The following DNAH12 variants were observed in gnomAD, a reference collection of about 807,000 sequenced individuals.
The protein encoded by DNAH12 is dynein axonemal heavy chain 12.
Under a neutral mutation model 371.5 loss-of-function variants are expected in DNAH12, and 285 were observed. The ratio of observed to expected loss-of-function variants is 0.77; its 90% CI spans 0.70 to 0.85. The LOEUF is 0.85. DNAH12 is among the 40% of genes least tolerant of loss of function. The pLI is 0.00. For synonymous variants in DNAH12, 1,200 were observed against 1,213.0 expected, an observed-to-expected ratio of 0.99 and a Z score of 0.22; for missense variants, 3,611 against 3,689.4, an observed-to-expected ratio of 0.98 and a Z score of 0.55.
At chr3:57,427,718 A>G (rs1373578942) in intron 34 of DNAH12, among the ~76,000 whole-genome samples, 1 of 151,324 alleles carries the variant, frequency 6.6e-6, no homozygotes, top group Non-Finnish European at 1.5e-5. Flanking sequence ...AATAAAATAA[A>G]AAGAAGGCCA....
intron 58 of DNAH12, among the ~76,000 whole-genome samples, chr3:57,362,030 C>G (rs1382524400): frequency 6.6e-6 from 1 of 150,644 alleles, no homozygotes; most frequent in Admixed American, 6.6e-5. Flanking sequence ...CACCCCATGA[C>G]AGCTCCCAGT....
At chr3:57,302,535 A>T (rs1310860356) in intron 69 of DNAH12, among the ~76,000 whole-genome samples, 10 of 38,834 alleles carry the variant, frequency 2.6e-4, no homozygotes, top group Non-Finnish European at 3.9e-4. Flanking sequence ...AGGTGTATAT[A>T]TATATATATA....
intron 66 of DNAH12, among the ~76,000 whole-genome samples, chr3:57,312,239 G>A (rs950598431): frequency 1.3e-5 from 2 of 152,164 alleles, no homozygotes; most frequent in African/African-American, 4.8e-5. Context: ...TATGAAAGGG[G>A]ACTGAGAAAG....
chr3:57,389,381 C>CA lies in DNAH12; in HGVS notation c.7306-2163dup, dbSNP rs1159244837. 1.6e-4 allele frequency among the ~76,000 whole-genome samples: 25 copies of CA among 151,808 alleles called. No individual in the cohort carries two copies. The East Asian group carries it at 2.3e-3, about 14-fold the overall frequency. ...CAGAAAACCAGTCTTACTGTATCTT[C>CA]AAAAAAAAGAAGATGCATATTCTTA... is the stretch of plus-strand genomic sequence containing the variant. On this transcript the variant is annotated intron_variant, in intron 45 of 73. Transcript: ENST00000495027.
At chr3:57,403,211 C>T in intron 43 of DNAH12, 98 bp downstream of exon 43, 1 of 1,191,500 alleles carries the variant, frequency 8.4e-7, no homozygotes, top group East Asian at 2.6e-5. Flanking sequence ...ATCATCATCA[C>T]TGGAGTTCAG....
At chr3:57,543,568 G>A (rs1203399093) in intron 1 of DNAH12, among the ~76,000 whole-genome samples, 2 of 149,518 alleles carry the variant, frequency 1.3e-5, no homozygotes, top group Admixed American at 1.3e-4. Context: ...ATGATTTCCC[G>A]CCTCGGTCCC....
intron 46 of DNAH12, among the ~76,000 whole-genome samples, chr3:57,386,865 G>A (rs2063508472): frequency 6.6e-6 from 1 of 152,106 alleles, no homozygotes; most frequent in Admixed American, 6.6e-5. Flanking sequence ...CAACAAATAT[G>A]TCTAATAAAA....
chr3:57,499,673 T>TACATAC (rs1553711698), intron 11 of DNAH12, among the ~76,000 whole-genome samples: 2 of 44,462 alleles, frequency 4.5e-5, no homozygotes, highest in African/African-American at 1.8e-4. Context: ...TATATATATA[T>TACATAC]ATACTTCTTA....
chr3:57,376,265 T>TC (rs2063278633), intron 53 of DNAH12, among the ~76,000 whole-genome samples: 1 of 151,872 alleles, frequency 6.6e-6, no homozygotes, highest in Non-Finnish European at 1.5e-5. Context: ...TGCCTAATAA[T>TC]TTTCTCTTGG....
chr3:57,449,344 C>G (rs1003630258), intron 25 of DNAH12, among the ~76,000 whole-genome samples: 3 of 152,228 alleles, frequency 2.0e-5, no homozygotes, highest in Non-Finnish European at 4.4e-5. Flanking sequence ...GCTGTGCGCT[C>G]GCACTCCTCA....
chr3:57,368,882 T>A (rs2153334790), intron 55 of DNAH12, among the ~76,000 whole-genome samples: 1 of 152,196 alleles, frequency 6.6e-6, no homozygotes, highest in South Asian at 2.1e-4. Context: ...TCTCTTGTAT[T>A]CAGTACAGTA....
At chr3:57,504,353 T>C (rs2067669768) in intron 8 of DNAH12, 149 bp from the exon 9 acceptor site, 3 of 654,064 alleles carry the variant, frequency 4.6e-6, no homozygotes, top group Non-Finnish European at 7.6e-6. Context: ...TTATCTTCAT[T>C]CAGCATACTA....
intron 2 of DNAH12, among the ~76,000 whole-genome samples, chr3:57,541,335 C>T (rs924016574): frequency 9.9e-5 from 15 of 152,002 alleles, no homozygotes; most frequent in Non-Finnish European, 1.9e-4. Flanking sequence ...CCACTGCACC[C>T]GGCCTCTCTT....
intron 60 of DNAH12, among the ~76,000 whole-genome samples, chr3:57,341,752 G>GA (rs1246941017): frequency 1.6e-3 from 237 of 145,008 alleles, no homozygotes; most frequent in African/African-American, 4.4e-3. Flanking sequence ...CACAGAAATA[G>GA]AAAAAAAAAA....
At chr3:57,514,570 C>T (rs1279190454) in intron 4 of DNAH12, among the ~76,000 whole-genome samples, 6 of 151,900 alleles carry the variant, frequency 3.9e-5, no homozygotes, top group Non-Finnish European at 7.4e-5. Context: ...TTGGAACAGA[C>T]AGAAAGTATG....
chr3:57,345,062 T>C (rs570672985), intron 60 of DNAH12, among the ~76,000 whole-genome samples: 2 of 152,276 alleles, frequency 1.3e-5, no homozygotes, highest in African/African-American at 4.8e-5. Flanking sequence ...ATATGCATTA[T>C]ATACTATATT....
intron 62 of DNAH12, among the ~76,000 whole-genome samples, chr3:57,330,036 T>C (rs1274025304): frequency 1.3e-5 from 2 of 151,726 alleles, no homozygotes; most frequent in African/African-American, 2.4e-5. Flanking sequence ...CCAGTTAGAA[T>C]GGCAATCATT....
chr3:57,318,642 T>A (rs1253924305), intron 65 of DNAH12, among the ~76,000 whole-genome samples: 1 of 152,034 alleles, frequency 6.6e-6, no homozygotes, highest in Non-Finnish European at 1.5e-5. Context: ...CATTAGAGCA[T>A]TTCAGGTTTT....
chr3:57,441,794 A>G (rs2065314419), intron 29 of DNAH12, among the ~76,000 whole-genome samples: 1 of 152,182 alleles, frequency 6.6e-6, no homozygotes, highest in Non-Finnish European at 1.5e-5. Flanking sequence ...TGTCTCTAAA[A>G]AAAGAAAAGA....
Sources: allele counts gnomAD v4.1 joint callset (sites outside exome capture counted in the v4.1 genomes callset), GRCh38; gene constraint gnomAD v4.1.1; transcripts MANE v1.5; gene names NCBI Gene and HGNC (gene_info 2026-07-23, HGNC 2026-07-21).